Variants in PLIN5 observed in about 807,000 individuals in gnomAD.
PLIN5 encodes the protein perilipin 5.
In PLIN5, 34 loss-of-function variants were observed where a neutral mutation model predicts 32.8. The ratio of observed to expected loss-of-function variants is 1.04; its 90% confidence interval spans 0.79 to 1.38. The LOEUF is 1.38. Ranked by LOEUF, PLIN5 falls within the 40% of genes most tolerant of loss-of-function variation. The pLI is 0.00. For missense variants in PLIN5, 712 were observed against 660.5 expected, an observed-to-expected ratio of 1.08 and a Z score of -0.85; for synonymous variants, 309 against 292.9, an observed-to-expected ratio of 1.05 and a Z score of -0.56.
intron 3 of PLIN5, among the ~76,000 whole-genome samples, chr19:4,530,731 G>C (rs145284042): frequency 1.4e-4 from 21 of 152,262 alleles, no homozygotes; most frequent in African/African-American, 5.1e-4. Context: ...GGAGTGCAGT[G>C]GTGCGATCTC....
chr19:4,527,504 ACTCT>A (rs2145324801), intron 5 of PLIN5, among the ~76,000 whole-genome samples: 2 of 130,942 alleles, frequency 1.5e-5, no homozygotes, highest in African/African-American at 5.8e-5. Context: ...ATATCACTGC[ACTCT>A]AGCCTGGGCG....
rs1331017307 is a variant in PLIN5 at position 4,529,532 on chromosome 19, A to G, written c.339+252T>C. 1.1e-5 allele frequency: 5 copies of G among 467,200 alleles called. No individual in the cohort carries two copies. In the South Asian group the frequency reaches 1.3e-4, roughly 12 times the overall value. 28.9% of individuals were successfully genotyped at this position (467,200 alleles called of 1,614,324 possible). On this transcript the variant is annotated intron_variant, in intron 4 of 7. Transcript: ENST00000381848. ...TACATGTATATATACACATATACAT[A>G]TATACTTATACGTATATATACATAT... is the stretch of plus-strand genomic sequence containing the variant.
chr19:4,530,623 G>A (rs1365199374), intron 3 of PLIN5, among the ~76,000 whole-genome samples: 4 of 152,176 alleles, frequency 2.6e-5, no homozygotes, highest in African/African-American at 9.7e-5. Flanking sequence ...TAGGGACAGA[G>A]AGGAGGGGCC....
intron 2 of PLIN5, chr19:4,532,270 C>T (rs1697086517): frequency 6.5e-6 from 1 of 154,316 alleles, no homozygotes; most frequent in South Asian, 2.0e-4. Context: ...CGGCTCAGCG[C>T]AACCTCCGCC....
intron 1 of PLIN5, among the ~76,000 whole-genome samples, chr19:4,534,914 G>A (rs958094124): frequency 1.3e-5 from 2 of 152,074 alleles, no homozygotes; most frequent in South Asian, 4.1e-4. Context: ...TAGAGTTACA[G>A]GGGGGGAGCT....
Position 4,534,061 on chromosome 19 carries a change from T to C in PLIN5, c.14A>G (p.Glu5Gly). Residue 5 changes from glutamate (E) to glycine (G), a missense_variant, in exon 2 of 8, where the codon GAG becomes GGG. Coordinates refer to ENST00000381848, the MANE Select transcript of PLIN5 (RefSeq NM_001013706.3). MSEEEAAQIPRSSVW... is the reference protein window; with the variant it reads MSEEGAAQIPRSSVW... ...ACTGGATCTGGGGATCTGAGCCGCC[T>C]CTTCTTCAGACATCGTGCTGCAAAC... 6.2e-7 allele frequency: 1 copy of C among 1,613,222 alleles called. No homozygotes were observed. The highest frequency in any genetic ancestry group is 8.5e-7 in the Non-Finnish European group (1 of 1,179,634).
chr19:4,529,699 C>A, intron 4 of PLIN5, 85 bp downstream of exon 4: 3 of 1,126,984 alleles, frequency 2.7e-6, no homozygotes, highest in Non-Finnish European at 4.0e-6. Flanking sequence ...AACTAAAAGC[C>A]TGGTTGTCAC....
At chr19:4,524,183 C>A in intron 7 of PLIN5, 98 bp from the exon 8 acceptor site, 1 of 1,232,514 alleles carries the variant, frequency 8.1e-7, no homozygotes, top group Non-Finnish European at 1.1e-6. Flanking sequence ...AGCTGTCAAC[C>A]TGTCTCATAG....
At chr19:4,524,792 T>G (rs1043917467) in intron 7 of PLIN5, among the ~76,000 whole-genome samples, 171 bp downstream of exon 7, 1 of 151,226 alleles carries the variant, frequency 6.6e-6, no homozygotes, top group Non-Finnish European at 1.5e-5. Context: ...GACTTAAACC[T>G]GCCTCAGTTT....
intron 3 of PLIN5, among the ~76,000 whole-genome samples, 157 bp downstream of exon 3, chr19:4,531,470 T>C (rs370709593): frequency 6.6e-6 from 1 of 150,556 alleles, no homozygotes; most frequent in Admixed American, 6.7e-5. Flanking sequence ...AGGACTTAAG[T>C]GAAGAGATTG....
At chr19:4,530,893 C>T (rs564948095) in intron 3 of PLIN5, among the ~76,000 whole-genome samples, 67 of 151,962 alleles carry the variant, frequency 4.4e-4, no homozygotes, top group South Asian at 3.3e-3. Flanking sequence ...AGGCTGTTCT[C>T]GAACTCCTGA....
chr19:4,529,646 C>CACAT (rs1275166274), intron 4 of PLIN5, 138 bp downstream of exon 4: 1 of 612,010 alleles, frequency 1.6e-6, no homozygotes, highest in Admixed American at 2.4e-5. Context: ...CACACACACA[C>CACAT]ACACGTTGCA....
chr19:4,531,700 C>T lies in PLIN5; in HGVS notation c.183G>A (p.Glu61=), dbSNP rs1568246103. The change falls in exon 3 of 8, where the codon GAG becomes GAA. Residue 61 remains glutamate (E), a synonymous_variant. Transcript: ENST00000381848. ...GGGTGGTCAGGCCGCACACGCAGTT[C>T]TCAGCCAGGCGGCAGGCGGAGCCCA... ...PLLGSACRLA[E]NCVCGLTTRA... is the part of the protein sequence containing the mutation. 1 of 1,570,992 alleles carries T rather than the reference C, an allele frequency of 6.4e-7. No homozygotes were observed. The highest frequency in any genetic ancestry group is 8.6e-7 in the Non-Finnish European group (1 of 1,162,184).
At position 4,523,123 on chromosome 19, in the gene PLIN5, T is replaced by C. The variant is rs2145319809; in HGVS notation, c.*405A>G. 6.3e-6 allele frequency: 1 copy of C among 159,936 alleles called. No homozygotes were observed. The highest frequency in any genetic ancestry group is 6.5e-5 in the Admixed American group (1 of 15,392). The allele number at this position is 159,936 out of a possible 1,614,324, so 9.9% of individuals were successfully genotyped here. A position where few individuals can be genotyped will look rare whatever the true frequency, so the allele number is the denominator to read the frequency against. On this transcript the variant is annotated 3_prime_UTR_variant, in exon 8 of 8. Coordinates refer to ENST00000381848, the MANE Select transcript of PLIN5 (RefSeq NM_001013706.3). This position sits in a 1 kb window ranked among gnomAD's most constrained non-coding sequence, Gnocchi z 5.0. Reference sequence around the variant, plus strand: ...CTTTCTAAGTAGAGACAGGGTTTCATCATGTTGGCCAGGATGATCCCGAAC... The same window carrying C: ...CTTTCTAAGTAGAGACAGGGTTTCACCATGTTGGCCAGGATGATCCCGAAC...
In PLIN5 at chr19:4,523,899, C is replaced by T; in HGVS notation, c.1021G>A (p.Ala341Thr). Reference sequence around the variant, plus strand: ...CCCCGGCCCTCGGCCAGCGCGGCCGCTGGCACGTCCCTGAAGCAGCGGGCA... The same window carrying T: ...CCCCGGCCCTCGGCCAGCGCGGCCGTTGGCACGTCCCTGAAGCAGCGGGCA... Reference protein sequence around the residue: ...ADARCFRDVPAAALAEGRGRV... With the variant: ...ADARCFRDVPTAALAEGRGRV... Residue 341 changes from alanine (A) to threonine (T), a missense_variant, in exon 8 of 8, where the codon GCG (alanine) becomes ACG (threonine). By Grantham distance (58) the Ala-to-Thr change is moderately conservative (BLOSUM62 0). Coordinates refer to ENST00000381848, the MANE Select transcript of PLIN5 (RefSeq NM_001013706.3). The surrounding 1 kb of genome is among the most constrained non-coding windows in gnomAD (Gnocchi z 5.0). The T allele has an allele frequency of 1.3e-6, 2 of 1,518,236 alleles. No individual in the cohort carries two copies. Among genetic ancestry groups the T allele is most frequent in the Non-Finnish European group, 1.7e-6 (2 of 1,143,154 alleles). 94.0% of individuals were successfully genotyped at this position (1,518,236 alleles called of 1,614,324 possible).
Position 4,525,021 on chromosome 19 carries a change from A to C in PLIN5, c.776T>G (p.Val259Gly). The change falls in exon 7 of 8, where the codon GTG becomes GGG. Residue 259 changes from valine to glycine, a missense_variant. Val to Gly is a moderately radical substitution (Grantham distance 109). Transcript: ENST00000381848. This position sits in a 1 kb window ranked among gnomAD's most constrained non-coding sequence, Gnocchi z 5.6. ...TPTAPACPGK[V>G]HELWGEWGQR... is the part of the protein sequence containing the mutation. ...GCCCCATTCCCCCCACAGCTCGTGC[A>C]CCTTCCCAGGGCAGGCCGGGGCGGT... 6.7e-7 allele frequency: 1 copy of C among 1,497,284 alleles called. No homozygotes were observed. The highest frequency in any genetic ancestry group is 8.9e-7 in the Non-Finnish European group (1 of 1,124,174). 92.7% of individuals were successfully genotyped at this position (1,497,284 alleles called of 1,614,324 possible).
intron 1 of PLIN5, among the ~76,000 whole-genome samples, chr19:4,534,898 G>C (rs1976927901): frequency 6.6e-6 from 1 of 152,212 alleles, no homozygotes; most frequent in Non-Finnish European, 1.5e-5. Flanking sequence ...AGGTCACGCA[G>C]CCAGCTAGAG....
chr19:4,529,642 C>G, intron 4 of PLIN5, 142 bp downstream of exon 4: 1 of 555,058 alleles, frequency 1.8e-6, no homozygotes, highest in Non-Finnish European at 3.2e-6. Context: ...CACACACACA[C>G]ACACACACGT....
At position 4,525,797 on chromosome 19, in the gene PLIN5, C is replaced by A; in HGVS notation, c.556G>T (p.Gly186Cys). Residue 186 changes from glycine (G) to cysteine (C), a missense_variant, in exon 6 of 8, where the codon GGT becomes TGT. Coordinates refer to ENST00000381848, the MANE Select transcript of PLIN5 (RefSeq NM_001013706.3). This position sits in a 1 kb window ranked among gnomAD's most constrained non-coding sequence, Gnocchi z 5.6. ...TGTCTCCTCTGATCCTCCACCGAAC[C>A]CACTTCAGGGCCTTCAGCCTCAGCC... ...LAAEAEGPEV[G>C]SVEDQRRQQG... 1 of 1,613,162 alleles carries A rather than the reference C, an allele frequency of 6.2e-7. No homozygotes were observed. The highest frequency in any genetic ancestry group is 8.5e-7 in the Non-Finnish European group (1 of 1,179,932).
Sources: gnomAD v4.1 joint callset for allele counts (sites outside exome capture counted in the v4.1 genomes callset) on GRCh38, gnomAD v4.1.1 for gene constraint, Gnocchi (gnomAD v3.1) non-coding constraint, MANE v1.5 for transcripts, NCBI Gene and HGNC (gene_info 2026-07-23, HGNC 2026-07-21) for gene names.